Variants in FBXL17 observed in about 807,000 individuals in gnomAD.
FBXL17 encodes F-box and leucine rich repeat protein 17.
FBXL17 carries 22 observed loss-of-function variants against 66.2 expected under a neutral mutation model. That is an observed-to-expected ratio of 0.33 (90% CI 0.24 to 0.47). The LOEUF (loss-of-function observed/expected upper bound fraction) is 0.47. FBXL17 is among the 20% of genes least tolerant of loss of function. FBXL17 has a pLI of 1.00. For missense variants in FBXL17, 878 were observed against 948.2 expected (o/e 0.93, Z 0.97); for synonymous variants, 474 against 400.5 (o/e 1.18, Z -2.19).
chr5:108,323,244 G>T (rs1242364083), intron 4 of FBXL17, among the ~76,000 whole-genome samples: 1 of 151,468 alleles, frequency 6.6e-6, no homozygotes, highest in East Asian at 1.9e-4. Context: ...TATAATAAAT[G>T]ACTTCAGCAA....
chr5:107,932,768 G>T (rs962871955), intron 7 of FBXL17, among the ~76,000 whole-genome samples: 2 of 151,922 alleles, frequency 1.3e-5, no homozygotes, highest in Non-Finnish European at 2.9e-5. Context: ...TAGCAAAGGA[G>T]AAAAAAATCC....
At chr5:107,875,856 C>T (rs1046194688) in intron 8 of FBXL17, among the ~76,000 whole-genome samples, 3 of 152,184 alleles carry the variant, frequency 2.0e-5, no homozygotes, top group African/African-American at 7.2e-5. Flanking sequence ...AGTCGGCCTC[C>T]ACAGAGGTCC....
chr5:108,112,079 A>C (rs1241595334), intron 6 of FBXL17, among the ~76,000 whole-genome samples: 1 of 152,150 alleles, frequency 6.6e-6, no homozygotes, highest in African/African-American at 2.4e-5. Context: ...GGCTTAGGAG[A>C]CAGAGTTTAG....
chr5:108,130,421 C>T (rs1750885754), intron 6 of FBXL17, among the ~76,000 whole-genome samples: 1 of 151,798 alleles, frequency 6.6e-6, no homozygotes, highest in Non-Finnish European at 1.5e-5. Context: ...TAGGACATGC[C>T]TCTAAATAGA....
In FBXL17 at chr5:108,173,170, C is replaced by G. The variant is rs562607956; in HGVS notation, c.1745+12947G>C. Among the ~76,000 whole-genome samples the G allele has an allele frequency of 3.9e-5, 6 of 152,070 alleles. No homozygotes were observed. In the South Asian group the frequency reaches 1.3e-3, roughly 32 times the overall value. On this transcript the variant is annotated intron_variant, in intron 6 of 8. Coordinates refer to ENST00000542267, the MANE Select transcript of FBXL17 (RefSeq NM_001163315.3). Reference sequence around the variant, plus strand: ...CAAGAAATCTAGATTGAGTATGTAGCACTACTAGAAAACATGAAGTTTATA... The same window carrying G: ...CAAGAAATCTAGATTGAGTATGTAGGACTACTAGAAAACATGAAGTTTATA...
chr5:108,008,239 C>T (rs1754013939), intron 7 of FBXL17, among the ~76,000 whole-genome samples: 2 of 152,064 alleles, frequency 1.3e-5, no homozygotes, highest in South Asian at 2.1e-4. Context: ...TTGTCAGGGT[C>T]CAAGAGAGTG....
intron 3 of FBXL17, among the ~76,000 whole-genome samples, chr5:108,354,156 C>A (rs1008044209): frequency 6.6e-6 from 1 of 152,070 alleles, no homozygotes; most frequent in Non-Finnish European, 1.5e-5. Flanking sequence ...ACCTGTGCAT[C>A]GTGTCCACCT....
At chr5:107,979,697 G>A (rs1315845901) in intron 7 of FBXL17, among the ~76,000 whole-genome samples, 1 of 152,108 alleles carries the variant, frequency 6.6e-6, no homozygotes, top group African/African-American at 2.4e-5. Context: ...TATTGGTAAG[G>A]ACCATTTCTA....
intron 4 of FBXL17, among the ~76,000 whole-genome samples, chr5:108,262,710 G>C (rs1756888598): frequency 6.7e-6 from 1 of 148,552 alleles, no homozygotes; most frequent in Admixed American, 6.8e-5. Context: ...AATTAGATGG[G>C]AAAAAACAAG....
At position 108,348,385 on chromosome 5, in the gene FBXL17, T is replaced by C; in HGVS notation, c.1506+14A>G. 1 of 1,607,100 alleles carries C rather than the reference T, an allele frequency of 6.2e-7. No homozygotes were observed. The highest frequency in any genetic ancestry group is 8.5e-7 in the Non-Finnish European group (1 of 1,174,638). On this transcript the variant is annotated intron_variant, in intron 4 of 8. Transcript: ENST00000542267. ...AACAAAATGAACAATACAAGGATGA[T>C]AACAAGTACTTACTAATTTGTTTTC...
At chr5:108,075,625 G>A (rs1344625259) in intron 6 of FBXL17, among the ~76,000 whole-genome samples, 1 of 152,096 alleles carries the variant, frequency 6.6e-6, no homozygotes, top group Non-Finnish European at 1.5e-5. Flanking sequence ...ACAGGCGCCC[G>A]CCACTACGCC....
intron 6 of FBXL17, among the ~76,000 whole-genome samples, chr5:108,022,102 TG>T (rs1332047555): frequency 6.6e-6 from 1 of 151,952 alleles, no homozygotes; most frequent in African/African-American, 2.4e-5. Context: ...AAGACATATA[TG>T]TTTTTTAAAA....
At chr5:107,930,065 C>T (rs1161551924) in intron 7 of FBXL17, among the ~76,000 whole-genome samples, 3 of 152,132 alleles carry the variant, frequency 2.0e-5, no homozygotes, top group Admixed American at 1.3e-4. Context: ...GGTCTTTTTC[C>T]TATCCCCAAC....
chr5:107,881,579 A>G (rs937344514), intron 7 of FBXL17, among the ~76,000 whole-genome samples: 1 of 152,194 alleles, frequency 6.6e-6, no homozygotes, highest in African/African-American at 2.4e-5. Context: ...CCACGTAAAC[A>G]CCATTTTGAG....
At chr5:108,293,813 G>A (rs1366909063) in intron 4 of FBXL17, among the ~76,000 whole-genome samples, 1 of 151,802 alleles carries the variant, frequency 6.6e-6, no homozygotes, top group Non-Finnish European at 1.5e-5. Flanking sequence ...GGCCGAGGTG[G>A]GTTGATCACT....
chr5:108,289,477 T>A (rs1442041194), intron 4 of FBXL17, among the ~76,000 whole-genome samples: 1 of 152,078 alleles, frequency 6.6e-6, no homozygotes, highest in African/African-American at 2.4e-5. Flanking sequence ...TTTGAAGAAG[T>A]GCCCTGATCT....
intron 4 of FBXL17, among the ~76,000 whole-genome samples, chr5:108,263,079 T>A (rs896446519): frequency 3.3e-5 from 5 of 152,178 alleles, no homozygotes; most frequent in African/African-American, 1.2e-4. Flanking sequence ...TACCCAAAAC[T>A]CGTGAACCAT....
intron 7 of FBXL17, among the ~76,000 whole-genome samples, chr5:107,943,899 C>T (rs78011940): frequency 0.045 from 6,818 of 152,278 alleles, 206 homozygotes; most frequent in Non-Finnish European, 0.066. Flanking sequence ...TTGGTAGTTA[C>T]ATTAGGTGGT....
chr5:107,921,717 C>T (rs1360530959), intron 7 of FBXL17, among the ~76,000 whole-genome samples: 1 of 152,166 alleles, frequency 6.6e-6, no homozygotes, highest in Non-Finnish European at 1.5e-5. Context: ...ACTTGGGCTT[C>T]CCCTTGGGAA....
Sources: gnomAD v4.1 joint callset for allele counts (sites outside exome capture counted in the v4.1 genomes callset) on GRCh38, gnomAD v4.1.1 for gene constraint, MANE v1.5 for transcripts, NCBI Gene and HGNC (gene_info 2026-07-23, HGNC 2026-07-21) for gene names.